GAPVD1: variants seen among roughly 807,000 people sequenced by gnomAD.
GAPVD1 encodes GTPase-activating protein and VPS9 domain-containing protein 1.
GAPVD1 carries 35 observed loss-of-function variants against 155.5 expected under a neutral mutation model. The observed-to-expected ratio is 0.23, with a 90% CI of 0.17 to 0.30. GAPVD1 has a LOEUF of 0.30. Among genes scored for constraint, GAPVD1 ranks in the 10% least tolerant of loss-of-function variants. The probability of loss-of-function intolerance (pLI) is 1.00; values close to 1 mark genes in which losing one functional copy is unlikely to be tolerated. For synonymous variants in GAPVD1, 636 were observed against 619.7 expected (o/e 1.03, Z -0.39); for missense variants, 1,429 against 1,775.7 (o/e 0.80, Z 3.51).
rs10819047 is a variant in GAPVD1 at position 125,365,133 on chromosome 9, A to C, written c.*2387A>C. ...TGAGGGTAGACCCCCCAGAGATTTGACATCTGTGACACCTGTGAAATGGGT... is the reference window on the plus strand; with the variant it reads ...TGAGGGTAGACCCCCCAGAGATTTGCCATCTGTGACACCTGTGAAATGGGT... On this transcript the variant is annotated 3_prime_UTR_variant, in exon 28 of 28. Transcript: ENST00000297933. 1.3e-5 allele frequency: 2 copies of C among 151,820 alleles called. No homozygotes were observed. Among genetic ancestry groups the C allele is most frequent in the African/African-American group, 2.4e-5 (1 of 41,262 alleles). The allele number at this position is 151,820 out of a possible 1,614,324, so 9.4% of individuals were successfully genotyped here. A position where few individuals can be genotyped will look rare whatever the true frequency, so the allele number is the denominator to read the frequency against.
rs1455078863 is a variant in GAPVD1 at position 125,323,762 on chromosome 9, T to G, written c.1733-36T>G. On this transcript the variant is annotated intron_variant, in intron 10 of 27. Coordinates refer to ENST00000297933, the MANE Select transcript of GAPVD1 (RefSeq NM_001282680.3). ...AATTGTGTGGTGGCTCATGACTGTTTTAAAAAGATTGCTCACACTATAAAC... is the reference window on the plus strand; with the variant it reads ...AATTGTGTGGTGGCTCATGACTGTTGTAAAAAGATTGCTCACACTATAAAC... 5.0e-6 allele frequency: 8 copies of G among 1,610,614 alleles called. No homozygotes were observed. The Admixed American group carries it at 1.2e-4, about 23-fold the overall frequency.
rs748434235 is a variant in GAPVD1, at chr9:125,350,732, C to T, written c.3429C>T (p.Phe1143=). 30 of 1,544,590 alleles carry T rather than the reference C, an allele frequency of 1.9e-5. No homozygotes were observed. In the South Asian group the frequency reaches 2.9e-4, roughly 15 times the overall value. Residue 1143 remains phenylalanine, a synonymous_variant, in exon 23 of 28, where the codon TTC becomes TTT. Transcript: ENST00000297933. Reference sequence around the variant, plus strand: ...ATTTAGACAATGAAATTGTATGCTTCTTAAAAGTTCAAATAGCTGAAGCAA... The same window carrying T: ...ATTTAGACAATGAAATTGTATGCTTTTTAAAAGTTCAAATAGCTGAAGCAA... ...TDPEDNEIVC[F]LKVQIAEAIN...
intron 13 of GAPVD1, among the ~76,000 whole-genome samples, chr9:125,330,542 A>G (rs533838773): frequency 1.3e-5 from 2 of 151,942 alleles, no homozygotes; most frequent in South Asian, 4.2e-4. Flanking sequence ...GTCTTGAACT[A>G]CTGACCTCAG....
rs1846239790 is a variant in GAPVD1, at chr9:125,332,523, C to G, written c.2322C>G (p.Thr774=). The G allele has an allele frequency of 2.5e-6, 4 of 1,603,744 alleles. No homozygotes were observed. The South Asian group carries it at 4.4e-5, about 18-fold the overall frequency. ...GLSVVSGISA[T]SEDIPNKIED... ...TGTTTTTTAAAGGCATAAGTGCAACCTCTGAGGATATTCCCAATAAGATTG... is the reference window on the plus strand; with the variant it reads ...TGTTTTTTAAAGGCATAAGTGCAACGTCTGAGGATATTCCCAATAAGATTG... The change falls in exon 15 of 28, where the codon ACC becomes ACG. Residue 774 remains threonine (T), a synonymous_variant. Coordinates refer to ENST00000297933, the MANE Select transcript of GAPVD1 (RefSeq NM_001282680.3).
intron 13 of GAPVD1, among the ~76,000 whole-genome samples, chr9:125,331,154 T>C (rs1846010753): frequency 6.6e-6 from 1 of 152,172 alleles, no homozygotes. Flanking sequence ...TACATTCTGT[T>C]GATTTACTTG....
At chr9:125,343,341 C>CT (rs983440365) in intron 19 of GAPVD1, among the ~76,000 whole-genome samples, 11 of 151,716 alleles carry the variant, frequency 7.3e-5, no homozygotes, top group Middle Eastern at 3.4e-3. Flanking sequence ...TTTCTCACCT[C>CT]TTTTTTTTGA....
At chr9:125,303,099 A>T (rs1156304213) in intron 5 of GAPVD1, among the ~76,000 whole-genome samples, 12 of 152,060 alleles carry the variant, frequency 7.9e-5, no homozygotes, top group Non-Finnish European at 1.2e-4. Context: ...ATCTCAGCTC[A>T]CTGCAACCTC....
intron 23 of GAPVD1, among the ~76,000 whole-genome samples, 192 bp from the exon 24 acceptor site, chr9:125,354,462 A>G (rs1849768059): frequency 6.6e-6 from 1 of 152,208 alleles, no homozygotes; most frequent in African/African-American, 2.4e-5. Flanking sequence ...AGCTGGCACC[A>G]TGATCAGTCT....
rs533241888 is a variant in GAPVD1, at chr9:125,355,471, A to G, written c.3758-173A>G. ...CACATATTTCTTGCTTTTTCTCCTG[A>G]TTTAATTATATGGCTACATATTGTC... is the stretch of plus-strand genomic sequence containing the variant. On this transcript the variant is annotated intron_variant, in intron 24 of 27. Transcript: ENST00000297933. Among the ~76,000 whole-genome samples the G allele has an allele frequency of 5.3e-5, 8 of 152,254 alleles. No homozygotes were observed. In the South Asian group the frequency reaches 6.2e-4, roughly 12 times the overall value.
Position 125,292,991 on chromosome 9 carries a change from G to A in GAPVD1, c.-149-2467G>A, listed in dbSNP as rs375873907. Among the ~76,000 whole-genome samples the A allele has an allele frequency of 5.3e-5, 8 of 152,182 alleles. No individual in the cohort carries two copies. The East Asian group carries it at 9.6e-4, about 18-fold the overall frequency. On this transcript the variant is annotated intron_variant, in intron 2 of 27. Transcript: ENST00000297933. ...GGAAATACCAATCTGACAGTGTAGG[G>A]TAGGTTGGAGAGAGAAGAAACTTGA...
intron 1 of GAPVD1, among the ~76,000 whole-genome samples, chr9:125,262,230 G>T (rs961377157): frequency 6.6e-6 from 1 of 152,196 alleles, no homozygotes; most frequent in African/African-American, 2.4e-5. Flanking sequence ...GGGATGGGAA[G>T]GGACAGGAGG....
intron 2 of GAPVD1, among the ~76,000 whole-genome samples, chr9:125,271,515 A>G (rs1834914128): frequency 6.6e-6 from 1 of 152,068 alleles, no homozygotes; most frequent in Non-Finnish European, 1.5e-5. Context: ...AATTTTAACA[A>G]ATACTTATAT....
intron 2 of GAPVD1, among the ~76,000 whole-genome samples, chr9:125,271,061 T>G (rs1834828755): frequency 6.6e-6 from 1 of 152,246 alleles, no homozygotes; most frequent in Non-Finnish European, 1.5e-5. Flanking sequence ...AATGCTTGTG[T>G]CTGAAAGAAA....
At chr9:125,319,436 CCTCTGTCACCCAGG>C (rs1415107652) in intron 9 of GAPVD1, among the ~76,000 whole-genome samples, 1 of 148,524 alleles carries the variant, frequency 6.7e-6, no homozygotes, top group Non-Finnish European at 1.5e-5. Context: ...ATGGAATCTC[CCTCTGTCACCCAGG>C]CTGGAGTGCA....
At chr9:125,272,367 A>T (rs934833803) in intron 2 of GAPVD1, among the ~76,000 whole-genome samples, 1 of 152,084 alleles carries the variant, frequency 6.6e-6, no homozygotes, top group Non-Finnish European at 1.5e-5. Context: ...ATCTTTACTA[A>T]CTCCTTTGGA....
intron 2 of GAPVD1, among the ~76,000 whole-genome samples, chr9:125,284,879 C>A (rs1269464963): frequency 6.6e-6 from 1 of 152,138 alleles, no homozygotes. Context: ...AAAAATAGTA[C>A]AGTAAGAATA....
Position 125,341,273 on chromosome 9 carries a change from A to G in GAPVD1, c.2965+9A>G. 1 of 1,390,604 alleles carries G rather than the reference A, an allele frequency of 7.2e-7. No homozygotes were observed. The highest frequency in any genetic ancestry group is 1.2e-5 in the South Asian group (1 of 83,532). 86.1% of individuals were successfully genotyped at this position (1,390,604 alleles called of 1,614,324 possible). On this transcript the variant is annotated intron_variant, in intron 18 of 27. Coordinates refer to ENST00000297933, the MANE Select transcript of GAPVD1 (RefSeq NM_001282680.3). ...TTCAGCCATGCCTAAAGGTAATTTTATAAAATATTAGAACGCTGTATTAGC... is the reference window on the plus strand; with the variant it reads ...TTCAGCCATGCCTAAAGGTAATTTTGTAAAATATTAGAACGCTGTATTAGC...
At chr9:125,311,669 A>C (rs561939825) in intron 8 of GAPVD1, among the ~76,000 whole-genome samples, 1 of 152,272 alleles carries the variant, frequency 6.6e-6, no homozygotes, top group South Asian at 2.1e-4. Flanking sequence ...GCCTAACTTA[A>C]AGTATCCTAT....
At position 125,326,384 on chromosome 9, in the gene GAPVD1, A is replaced by C. The variant is rs371786424; in HGVS notation, c.1859-32A>C. 1.1e-5 allele frequency: 16 copies of C among 1,465,166 alleles called. No individual in the cohort carries two copies. In the African/African-American group the frequency reaches 1.7e-4, roughly 15 times the overall value. 90.8% of individuals were successfully genotyped at this position (1,465,166 alleles called of 1,614,324 possible). ...ATTAAAAAGTCATAGCTGTGCTACT[A>C]TTTTAAAAGTGCTTAATTTTGTTTT... On this transcript the variant is annotated intron_variant, in intron 11 of 27. Transcript: ENST00000297933.
Sources: gnomAD v4.1 joint callset for allele counts (sites outside exome capture counted in the v4.1 genomes callset) on GRCh38, gnomAD v4.1.1 for gene constraint, MANE v1.5 for transcripts, NCBI Gene and HGNC (gene_info 2026-07-23, HGNC 2026-07-21) for gene names.